ANTXR1: variants seen among roughly 807,000 people sequenced by gnomAD.
ANTXR1 encodes anthrax toxin receptor 1.
A neutral mutation model predicts 78.1 loss-of-function variants in ANTXR1; 19 were observed. The ratio of observed to expected loss-of-function variants is 0.24; its 90% CI spans 0.17 to 0.36. The LOEUF (loss-of-function observed/expected upper bound fraction) is 0.36. ANTXR1 is among the 10% of genes least tolerant of loss of function. The probability of loss-of-function intolerance (pLI) is 1.00; values close to 1 mark genes in which losing one functional copy is unlikely to be tolerated. For synonymous variants in ANTXR1, 273 were observed against 260.5 expected, an observed-to-expected ratio of 1.05 and a Z score of -0.46; for missense variants, 518 against 718.6, an observed-to-expected ratio of 0.72 and a Z score of 3.19.
intron 17 of ANTXR1, among the ~76,000 whole-genome samples, chr2:69,200,753 T>C (rs892618272): frequency 2.0e-5 from 3 of 152,158 alleles, no homozygotes; most frequent in African/African-American, 7.2e-5. Context: ...AGTTCATGTA[T>C]GTATGTATGT....
At chr2:69,161,637 C>T (rs1673685824) in intron 13 of ANTXR1, among the ~76,000 whole-genome samples, 1 of 152,162 alleles carries the variant, frequency 6.6e-6, no homozygotes, top group Non-Finnish European at 1.5e-5. Context: ...GGATGTTTTC[C>T]ATATCAAGTT....
At position 69,090,809 on chromosome 2, in the gene ANTXR1, T is replaced by C. The variant is rs766595576; in HGVS notation, c.643-50T>C. 59 of 1,589,900 alleles carry C rather than the reference T, an allele frequency of 3.7e-5. No individual in the cohort carries two copies. In the Admixed American group the frequency reaches 5.0e-4, roughly 13 times the overall value. ...CTAAAAGCAGAACCCTGATTCTGTCTTTGAACAAAATAAGCTGTGCATTGA... is the reference window on the plus strand; with the variant it reads ...CTAAAAGCAGAACCCTGATTCTGTCCTTGAACAAAATAAGCTGTGCATTGA... On this transcript the variant is annotated intron_variant, in intron 8 of 17. Coordinates refer to ENST00000303714, the MANE Select transcript of ANTXR1 (RefSeq NM_032208.3).
rs1357592951 is a variant in ANTXR1 at position 69,245,616 on chromosome 2, C to T, written c.*131C>T. On this transcript the variant is annotated 3_prime_UTR_variant, in exon 18 of 18. Transcript: ENST00000303714. ...ACATTCTAAAAATTGGTTGGCAATG[C>T]CAGTATACCAACAATCATGATCAGC... 5 of 1,261,940 alleles carry T rather than the reference C, an allele frequency of 4.0e-6. No homozygotes were observed. Among genetic ancestry groups the T allele is most frequent in the Middle Eastern group, 1.9e-4 (1 of 5,132 alleles). The allele number at this position is 1,261,940 out of a possible 1,614,324, so 78.2% of individuals were successfully genotyped here.
Position 69,071,783 on chromosome 2 carries a change from A to T in ANTXR1, c.408A>T (p.Arg136Ser), listed in dbSNP as rs554436062. 5.6e-6 allele frequency: 9 copies of T among 1,613,718 alleles called. No homozygotes were observed. The highest frequency in any genetic ancestry group is 7.6e-6 in the Non-Finnish European group (9 of 1,179,668). Residue 136 changes from arginine to serine, a missense_variant, in exon 5 of 18, where the codon AGA becomes AGT. Physicochemically the swap from Arg to Ser is moderately radical, Grantham distance 110 (BLOSUM62 -1). This residue lies in a region of ANTXR1 where 264 missense variants were observed against 391.8 expected (regional missense o/e 0.67). Coordinates refer to ENST00000303714, the MANE Select transcript of ANTXR1 (RefSeq NM_032208.3). ...RASEQIYYEN[R>S]QGYRTASVII... ...GTGAGCAGATTTATTATGAAAACAG[A>T]CAAGGTAAGACTATAGTATGAACTA...
intron 16 of ANTXR1, among the ~76,000 whole-genome samples, chr2:69,185,954 A>G (rs772555729): frequency 6.6e-6 from 1 of 152,174 alleles, no homozygotes; most frequent in Non-Finnish European, 1.5e-5. Context: ...CTTCTACTGT[A>G]GAGGAAATGC....
At chr2:69,194,887 G>C (rs562672904) in intron 17 of ANTXR1, among the ~76,000 whole-genome samples, 4 of 151,012 alleles carry the variant, frequency 2.6e-5, no homozygotes, top group African/African-American at 9.8e-5. Flanking sequence ...AGAAATGCTC[G>C]GGCCGGGCGT....
intron 17 of ANTXR1, among the ~76,000 whole-genome samples, chr2:69,228,103 A>G (rs1675502737): frequency 6.6e-6 from 1 of 152,236 alleles, no homozygotes; most frequent in South Asian, 2.1e-4. Flanking sequence ...ATAAACCACT[A>G]TAGTGGACCC....
At chr2:69,056,710 T>C (rs1465744611) in intron 3 of ANTXR1, among the ~76,000 whole-genome samples, 1 of 152,218 alleles carries the variant, frequency 6.6e-6, no homozygotes, top group East Asian at 1.9e-4. Flanking sequence ...GGTTTTGCTC[T>C]GTTGCCCAGG....
chr2:69,084,724 C>T (rs577910970), intron 8 of ANTXR1, among the ~76,000 whole-genome samples: 77 of 151,136 alleles, frequency 5.1e-4, no homozygotes, highest in African/African-American at 1.6e-3. Flanking sequence ...AGCCACTGCA[C>T]GTGGCCATAT....
chr2:69,116,689 T>A (rs1366171247), intron 10 of ANTXR1, among the ~76,000 whole-genome samples: 1 of 152,232 alleles, frequency 6.6e-6, no homozygotes, highest in Non-Finnish European at 1.5e-5. Flanking sequence ...ATGTAAGCTC[T>A]GCTTCGGGCT....
chr2:69,101,014 T>C (rs1327856073), intron 9 of ANTXR1, among the ~76,000 whole-genome samples: 2 of 152,230 alleles, frequency 1.3e-5, no homozygotes, highest in Non-Finnish European at 2.9e-5. Flanking sequence ...TCCCAGTTTT[T>C]CTGCTTTACT....
chr2:69,175,286 A>T (rs2104455789), intron 14 of ANTXR1, among the ~76,000 whole-genome samples: 1 of 152,182 alleles, frequency 6.6e-6, no homozygotes, highest in South Asian at 2.1e-4. Flanking sequence ...TCATGCTCCC[A>T]TGTCACCATG....
At chr2:69,120,136 T>C (rs1317713200) in intron 10 of ANTXR1, among the ~76,000 whole-genome samples, 9 of 152,372 alleles carry the variant, frequency 5.9e-5, no homozygotes, top group Admixed American at 5.9e-4. Flanking sequence ...GACATTACCC[T>C]ATGGTTGGGC....
At chr2:69,137,063 T>C (rs1055280839) in intron 12 of ANTXR1, among the ~76,000 whole-genome samples, 46 of 152,202 alleles carry the variant, frequency 3.0e-4, no homozygotes, top group African/African-American at 1.1e-3. Flanking sequence ...CTATAAAATA[T>C]TGTAAAATGT....
intron 10 of ANTXR1, among the ~76,000 whole-genome samples, chr2:69,120,327 A>G (rs1456240394): frequency 2.0e-5 from 3 of 152,264 alleles, no homozygotes; most frequent in Non-Finnish European, 4.4e-5. Flanking sequence ...TGTTAAGTTG[A>G]GGACTGCCTG....
intron 12 of ANTXR1, among the ~76,000 whole-genome samples, chr2:69,142,675 G>A (rs1350142444): frequency 6.6e-6 from 1 of 152,184 alleles, no homozygotes; most frequent in East Asian, 1.9e-4. Flanking sequence ...AAATCAGGTG[G>A]TACCTGAGCA....
intron 1 of ANTXR1, among the ~76,000 whole-genome samples, chr2:69,016,854 T>C (rs534027035): frequency 6.6e-6 from 1 of 152,354 alleles, no homozygotes; most frequent in South Asian, 2.1e-4. Flanking sequence ...CTCTAAACAG[T>C]GTGCTCACTT....
chr2:69,013,430 T>A lies in ANTXR1; in HGVS notation c.-70T>A, dbSNP rs565131406. 4.5e-6 allele frequency: 7 copies of A among 1,562,856 alleles called. No homozygotes were observed. Among genetic ancestry groups the A allele is most frequent in the Non-Finnish European group, 6.1e-6 (7 of 1,154,026 alleles). On this transcript the variant is annotated 5_prime_UTR_variant, in exon 1 of 18. Coordinates refer to ENST00000303714, the MANE Select transcript of ANTXR1 (RefSeq NM_032208.3). This position sits in a 1 kb window ranked among gnomAD's most constrained non-coding sequence, Gnocchi z 5.0. ...CGAGGAAGGGCCCGCGGATGGCGCGTCCCTGAGGGTCGTGGCGAGTTCGCG... is the reference window on the plus strand; with the variant it reads ...CGAGGAAGGGCCCGCGGATGGCGCGACCCTGAGGGTCGTGGCGAGTTCGCG...
At position 69,191,193 on chromosome 2, in the gene ANTXR1, G is replaced by A. The variant is rs142677645; in HGVS notation, c.1354-2142G>A. ...AAATCATTTCAAAATATTTTTCAAG[G>A]CGTTTGTAAATTCCTTGCCAAAATA... On this transcript the variant is annotated intron_variant, in intron 16 of 17. Coordinates refer to ENST00000303714, the MANE Select transcript of ANTXR1 (RefSeq NM_032208.3). Among the ~76,000 whole-genome samples, 267 of 152,196 alleles carry A rather than the reference G, an allele frequency of 1.8e-3. 1 individual carries two copies. Among genetic ancestry groups the A allele is most frequent in the African/African-American group, 5.9e-3 (244 of 41,524 alleles).
Sources: allele counts gnomAD v4.1 joint callset (sites outside exome capture counted in the v4.1 genomes callset), GRCh38; gene constraint gnomAD v4.1.1; regional missense constraint gnomAD v4.1.1; non-coding constraint Gnocchi (gnomAD v3.1); transcripts MANE v1.5; gene names NCBI Gene and HGNC (gene_info 2026-07-23, HGNC 2026-07-21).